FAM163A: variants seen among roughly 807,000 people sequenced by gnomAD.
FAM163A encodes family with sequence similarity 163 member A.
A neutral mutation model predicts 12.0 loss-of-function variants in FAM163A; 7 were observed. The ratio of observed to expected loss-of-function variants is 0.58; its 90% confidence interval spans 0.33 to 1.10. The LOEUF (loss-of-function observed/expected upper bound fraction) is 1.10. FAM163A is among the 50% of genes least tolerant of loss of function. The probability of loss-of-function intolerance (pLI) is 0.03; values close to 1 mark genes in which losing one functional copy is unlikely to be tolerated. For synonymous variants in FAM163A, 101 were observed against 91.0 expected (o/e 1.11, Z -0.62); for missense variants, 202 against 218.6 (o/e 0.92, Z 0.48).
Position 179,788,558 on chromosome 1 carries a change from C to T in FAM163A, c.-135-19240C>T, listed in dbSNP as rs1259714345. 4.6e-5 allele frequency among the ~76,000 whole-genome samples: 7 copies of T among 152,148 alleles called. No individual in the cohort carries two copies. The South Asian group carries it at 1.2e-3, about 27-fold the overall frequency. On this transcript the variant is annotated intron_variant, in intron 1 of 4. Transcript: ENST00000341785. The stretch of plus-strand genomic sequence containing the variant: ...ATGTGAAGTGGAGCTTTCGGGTTTG[C>T]GGATCCTAGCCCTGCCTCTTACCAG...
intron 1 of FAM163A, among the ~76,000 whole-genome samples, chr1:179,771,638 A>G (rs979404441): frequency 1.4e-4 from 22 of 151,876 alleles, no homozygotes; most frequent in Non-Finnish European, 1.6e-4. Flanking sequence ...TTCCTGCCCC[A>G]TGAGCCTCAT....
intron 1 of FAM163A, among the ~76,000 whole-genome samples, chr1:179,800,139 G>T (rs1692949977): frequency 6.6e-6 from 1 of 152,244 alleles, no homozygotes; most frequent in Admixed American, 6.5e-5. Flanking sequence ...ACATGAAACA[G>T]TGTGCTGTGG....
chr1:179,805,527 C>T (rs1363617784), intron 1 of FAM163A, among the ~76,000 whole-genome samples: 6 of 151,348 alleles, frequency 4.0e-5, no homozygotes, highest in African/African-American at 1.5e-4. Context: ...CAGAGCAAAA[C>T]TCCCAAAACT....
intron 1 of FAM163A, among the ~76,000 whole-genome samples, chr1:179,803,227 T>C (rs1693433000): frequency 6.6e-6 from 1 of 152,222 alleles, no homozygotes; most frequent in South Asian, 2.1e-4. Flanking sequence ...AAGGCTTAAT[T>C]GCATCAGAGA....
At chr1:179,767,614 A>T (rs1571384758) in intron 1 of FAM163A, among the ~76,000 whole-genome samples, 1 of 151,162 alleles carries the variant, frequency 6.6e-6, no homozygotes, top group Non-Finnish European at 1.5e-5. Context: ...TGAGAAAAAA[A>T]CCCCTGTCCC....
intron 1 of FAM163A, among the ~76,000 whole-genome samples, chr1:179,801,589 T>C (rs1240535254): frequency 6.6e-6 from 1 of 152,226 alleles, no homozygotes; most frequent in Non-Finnish European, 1.5e-5. Flanking sequence ...AGGTGTATTA[T>C]TTATCTCCGT....
chr1:179,728,465 T>C, the FAM163A span, among the ~76,000 whole-genome samples: 1 of 152,156 alleles, frequency 6.6e-6, no homozygotes, highest in East Asian at 1.9e-4. Flanking sequence ...GCCAGGCACA[T>C]AACATCAGGC....
At chr1:179,754,460 G>T (rs1027352935) in intron 1 of FAM163A, among the ~76,000 whole-genome samples, 1 of 152,044 alleles carries the variant, frequency 6.6e-6, no homozygotes, top group Admixed American at 6.6e-5. Context: ...GATAAATGTT[G>T]CAATGGCTGT....
At chr1:179,802,674 C>G (rs1157414077) in intron 1 of FAM163A, among the ~76,000 whole-genome samples, 1 of 152,204 alleles carries the variant, frequency 6.6e-6, no homozygotes, top group Non-Finnish European at 1.5e-5. Flanking sequence ...AGTGGCTGCC[C>G]CAGCTACACC....
At chr1:179,790,802 T>C (rs1183673839) in intron 1 of FAM163A, among the ~76,000 whole-genome samples, 2 of 152,130 alleles carry the variant, frequency 1.3e-5, no homozygotes, top group East Asian at 3.8e-4. Flanking sequence ...GGGAATATAG[T>C]GGCCTTTAGA....
chr1:179,728,950 C>G, the FAM163A span, among the ~76,000 whole-genome samples: 2 of 152,084 alleles, frequency 1.3e-5, no homozygotes, highest in Non-Finnish European at 2.9e-5. Flanking sequence ...CGTCAGTTAA[C>G]CCCAGCTTCT....
At chr1:179,806,691 G>A (rs1693984717) in intron 1 of FAM163A, among the ~76,000 whole-genome samples, 1 of 152,216 alleles carries the variant, frequency 6.6e-6, no homozygotes, top group Non-Finnish European at 1.5e-5. Flanking sequence ...CCACCCAGGG[G>A]GGGCCTTTCC....
intron 1 of FAM163A, among the ~76,000 whole-genome samples, chr1:179,798,567 A>G (rs770642189): frequency 2.3e-4 from 35 of 152,138 alleles, no homozygotes; most frequent in Non-Finnish European, 4.6e-4. Flanking sequence ...ATCTTAGAAT[A>G]TTTGTCTGAT....
At chr1:179,731,068 GA>G in the FAM163A span, among the ~76,000 whole-genome samples, 1 of 152,162 alleles carries the variant, frequency 6.6e-6, no homozygotes, top group South Asian at 2.1e-4. Flanking sequence ...TTGCAAAAGA[GA>G]AAGTTATATA....
intron 1 of FAM163A, among the ~76,000 whole-genome samples, chr1:179,787,562 G>T (rs573288668): frequency 6.6e-6 from 1 of 152,302 alleles, no homozygotes; most frequent in East Asian, 1.9e-4. Context: ...GTGAAATCAG[G>T]AAACACTTCA....
chr1:179,748,085 T>C (rs1355726553), intron 1 of FAM163A, among the ~76,000 whole-genome samples: 2 of 152,056 alleles, frequency 1.3e-5, no homozygotes, highest in African/African-American at 2.4e-5. Flanking sequence ...AGGAGAAAGG[T>C]CAGCAAGGTG....
At chr1:179,733,000 G>C in the FAM163A span, among the ~76,000 whole-genome samples, 1 of 151,740 alleles carries the variant, frequency 6.6e-6, no homozygotes, top group Admixed American at 6.6e-5. Context: ...ACAGAGACCT[G>C]CTCAGAAAGG....
chr1:179,798,392 G>T (rs1271515793), intron 1 of FAM163A, among the ~76,000 whole-genome samples: 1 of 152,194 alleles, frequency 6.6e-6, no homozygotes, highest in African/African-American at 2.4e-5. Flanking sequence ...GCCCCGTGGG[G>T]TTCCCCTGGT....
the FAM163A span, among the ~76,000 whole-genome samples, chr1:179,730,966 CAG>C: frequency 6.6e-6 from 1 of 152,128 alleles, no homozygotes; most frequent in Non-Finnish European, 1.5e-5. Context: ...AAGGTTTACA[CAG>C]AGGTTTCTCT....
Sources: allele counts gnomAD v4.1 joint callset (sites outside exome capture counted in the v4.1 genomes callset), GRCh38; gene constraint gnomAD v4.1.1; transcripts MANE v1.5; gene names NCBI Gene and HGNC (gene_info 2026-07-23, HGNC 2026-07-21).